Variants in ABTB2 observed in about 807,000 individuals in gnomAD.
ABTB2 encodes the protein ankyrin repeat and BTB/POZ domain-containing protein 2.
Under a neutral mutation model 104.1 loss-of-function variants are expected in ABTB2, and 56 were observed. The ratio of observed to expected loss-of-function variants is 0.54; its 90% CI spans 0.43 to 0.67. The LOEUF is 0.67. Among genes scored for constraint, ABTB2 ranks in the 30% least tolerant of loss-of-function variants. ABTB2 has a pLI of 0.00. For synonymous variants in ABTB2, 606 were observed against 608.2 expected, an observed-to-expected ratio of 1.00 and a Z score of 0.05; for missense variants, 1,279 against 1,407.7, an observed-to-expected ratio of 0.91 and a Z score of 1.46.
intron 1 of ABTB2, among the ~76,000 whole-genome samples, chr11:34,337,821 G>A (rs757509345): frequency 1.3e-5 from 2 of 151,972 alleles, no homozygotes; most frequent in Admixed American, 6.5e-5. Flanking sequence ...AAAATTAAAC[G>A]AGATAGCATC....
In ABTB2 at chr11:34,252,751, C is replaced by T. The variant is rs113689090; in HGVS notation, c.884-48061G>A. On this transcript the variant is annotated intron_variant, in intron 1 of 16. Transcript: ENST00000435224. This position sits in a 1 kb window ranked among gnomAD's most constrained non-coding sequence, Gnocchi z 5.5. ...CTTCTACTCAAACATGTTTTTATAACGTGCAACCACCAGAGACCTCCCTAA... is the reference window on the plus strand; with the variant it reads ...CTTCTACTCAAACATGTTTTTATAATGTGCAACCACCAGAGACCTCCCTAA... Among the ~76,000 whole-genome samples, 8 of 152,166 alleles carry T rather than the reference C, an allele frequency of 5.3e-5. No individual in the cohort carries two copies. The highest frequency in any genetic ancestry group is 1.3e-4 in the Admixed American group (2 of 15,288).
intron 1 of ABTB2, among the ~76,000 whole-genome samples, chr11:34,209,162 G>A (rs911333321): frequency 7.2e-5 from 11 of 152,000 alleles, no homozygotes; most frequent in Non-Finnish European, 7.4e-5. Context: ...CCTGGCCACC[G>A]TGGTGAAACA....
At chr11:34,182,858 T>C (rs1853047160) in intron 3 of ABTB2, among the ~76,000 whole-genome samples, 1 of 152,036 alleles carries the variant, frequency 6.6e-6, no homozygotes, top group Non-Finnish European at 1.5e-5. Context: ...GCAGGTACTA[T>C]TATTATTTCC....
intron 1 of ABTB2, among the ~76,000 whole-genome samples, chr11:34,295,759 C>A (rs112634069): frequency 3.9e-5 from 6 of 152,120 alleles, no homozygotes; most frequent in Non-Finnish European, 7.3e-5. Context: ...CTGGTGAGGG[C>A]CCTCTTCTGG....
intron 1 of ABTB2, among the ~76,000 whole-genome samples, chr11:34,351,965 C>G (rs1468111839): frequency 6.6e-6 from 1 of 152,136 alleles, no homozygotes; most frequent in Non-Finnish European, 1.5e-5. Flanking sequence ...AAAGCTTGCT[C>G]TGTTTCAGTT....
chr11:34,313,529 C>G (rs1417519717), intron 1 of ABTB2, among the ~76,000 whole-genome samples: 2 of 152,222 alleles, frequency 1.3e-5, no homozygotes, highest in Non-Finnish European at 2.9e-5. Flanking sequence ...GCTCTTTTGG[C>G]CTCATACACA....
At chr11:34,232,809 T>C (rs1195014738) in intron 1 of ABTB2, among the ~76,000 whole-genome samples, 2 of 151,712 alleles carry the variant, frequency 1.3e-5, no homozygotes, top group Non-Finnish European at 2.9e-5. Flanking sequence ...AAAAAATACA[T>C]AATAATAAAT....
At position 34,159,949 on chromosome 11, in the gene ABTB2, G is replaced by A. The variant is rs1430750913; in HGVS notation, c.2563C>T (p.Leu855=). Residue 855 remains leucine, a synonymous_variant, in exon 13 of 17, where the codon CTG becomes TTG. Coordinates refer to ENST00000435224, the MANE Select transcript of ABTB2 (RefSeq NM_145804.3). ...SDVTFLVEGK[L]FYAHKVLLVT... ...AGCAGGACTTTATGTGCATAAAACA[G>A]CTTTCCTTCCACCAGGAAGGTCACA... The A allele has an allele frequency of 6.2e-7, 1 of 1,613,998 alleles. No individual in the cohort carries two copies. Among genetic ancestry groups the A allele is most frequent in the Non-Finnish European group, 8.5e-7 (1 of 1,180,030 alleles).
chr11:34,220,201 T>G (rs1025637358), intron 1 of ABTB2, among the ~76,000 whole-genome samples: 1 of 152,202 alleles, frequency 6.6e-6, no homozygotes, highest in Non-Finnish European at 1.5e-5. Flanking sequence ...GATCTTTCCC[T>G]GCAAAGAAGT....
intron 11 of ABTB2, 114 bp downstream of exon 11, chr11:34,160,789 G>T: frequency 1.7e-6 from 2 of 1,187,430 alleles, no homozygotes; most frequent in Non-Finnish European, 2.4e-6. Context: ...GTGTGTGTGC[G>T]TTGGGTGAGG....
At chr11:34,249,958 C>T (rs1299627703) in intron 1 of ABTB2, among the ~76,000 whole-genome samples, 1 of 152,166 alleles carries the variant, frequency 6.6e-6, no homozygotes, top group Non-Finnish European at 1.5e-5. Flanking sequence ...GCAGAATAAC[C>T]CCAATGGTGC....
At chr11:34,265,301 C>G (rs542644076) in intron 1 of ABTB2, among the ~76,000 whole-genome samples, 12 of 152,320 alleles carry the variant, frequency 7.9e-5, no homozygotes, top group African/African-American at 2.4e-4. Flanking sequence ...AGCAGCTACC[C>G]TCAATGGGGT....
In ABTB2 at chr11:34,167,060, T is replaced by C. The variant is rs115767117; in HGVS notation, c.1755+199A>G. ...CTGGGTCTTGTTTCCTAAAATTCCA[T>C]TTGTCCTTGCACTAACCCCTTTCCT... On this transcript the variant is annotated intron_variant, in intron 7 of 16. Coordinates refer to ENST00000435224, the MANE Select transcript of ABTB2 (RefSeq NM_145804.3). 7.5e-3 allele frequency among the ~76,000 whole-genome samples: 1,137 copies of C among 152,286 alleles called. 7 individuals carry two copies. Among genetic ancestry groups the C allele is most frequent in the African/African-American group, 0.024 (1,003 of 41,556 alleles).
intron 3 of ABTB2, among the ~76,000 whole-genome samples, chr11:34,175,323 G>A (rs1052874400): frequency 3.9e-5 from 6 of 152,184 alleles, no homozygotes; most frequent in Non-Finnish European, 5.9e-5. Context: ...AAGCGAAAAC[G>A]CATTGAATAC....
intron 1 of ABTB2, among the ~76,000 whole-genome samples, chr11:34,302,791 C>T (rs543611795): frequency 6.6e-6 from 1 of 152,208 alleles, no homozygotes; most frequent in African/African-American, 2.4e-5. Context: ...AAGGCCCAGT[C>T]AGAAGGGAAG....
chr11:34,222,617 A>G (rs1031236177), intron 1 of ABTB2, among the ~76,000 whole-genome samples: 4 of 152,212 alleles, frequency 2.6e-5, no homozygotes, highest in South Asian at 4.1e-4. Flanking sequence ...AAATGAAATC[A>G]AGCTACAGGG....
chr11:34,190,656 A>G (rs542786025), intron 3 of ABTB2, among the ~76,000 whole-genome samples: 1 of 152,338 alleles, frequency 6.6e-6, no homozygotes, highest in Non-Finnish European at 1.5e-5. Flanking sequence ...TGCTGGTAGT[A>G]GCAGTAATCT....
At chr11:34,349,654 A>G (rs1280184650) in intron 1 of ABTB2, among the ~76,000 whole-genome samples, 1 of 152,214 alleles carries the variant, frequency 6.6e-6, no homozygotes, top group Non-Finnish European at 1.5e-5. Flanking sequence ...TGAGTTGGGT[A>G]CTATTTTCAG....
At chr11:34,274,819 C>A (rs546099178) in intron 1 of ABTB2, among the ~76,000 whole-genome samples, 1 of 152,020 alleles carries the variant, frequency 6.6e-6, no homozygotes, top group African/African-American at 2.4e-5. Context: ...ATTGCGCAAA[C>A]GTGCCTTGAG....
Sources: gnomAD v4.1 joint callset for allele counts (sites outside exome capture counted in the v4.1 genomes callset) on GRCh38, gnomAD v4.1.1 for gene constraint, Gnocchi (gnomAD v3.1) non-coding constraint, MANE v1.5 for transcripts, NCBI Gene and HGNC (gene_info 2026-07-23, HGNC 2026-07-21) for gene names.